The following BAZ2A variants were observed in gnomAD, a reference collection of about 807,000 sequenced individuals.
The protein encoded by BAZ2A is bromodomain adjacent to zinc finger domain 2A, also known as bromodomain adjacent to zinc finger domain protein 2A.
BAZ2A carries 34 observed loss-of-function variants against 199.9 expected under a neutral mutation model. That is an observed-to-expected ratio of 0.17 (90% CI 0.13 to 0.23). The LOEUF is 0.23. Among genes scored for constraint, BAZ2A ranks in the 10% least tolerant of loss-of-function variants. The pLI is 1.00. For synonymous variants in BAZ2A, 857 were observed against 883.9 expected (o/e 0.97, Z 0.54); for missense variants, 2,002 against 2,391.1 (o/e 0.84, Z 3.39).
At chr12:56,634,350 GCACC>G (rs1951393640), upstream of BAZ2A, among the ~76,000 whole-genome samples, 1 of 152,096 alleles carries the variant, frequency 6.6e-6, no homozygotes. Flanking sequence ...TTCCTAGGCT[GCACC>G]GACCAACCCT....
chr12:56,622,400 T>G (rs1950950738), intron 1 of BAZ2A, among the ~76,000 whole-genome samples: 1 of 152,050 alleles, frequency 6.6e-6, no homozygotes, highest in East Asian at 1.9e-4. Context: ...AATTTAAAAC[T>G]AGGGATGATC....
chr12:56,638,219 G>C (rs1059859), upstream of BAZ2A: 3 of 986,058 alleles, frequency 3.0e-6, no homozygotes, highest in Non-Finnish European at 4.6e-6. Flanking sequence ...ATACTGTTCA[G>C]AAAGAATATA....
intron 1 of BAZ2A, among the ~76,000 whole-genome samples, chr12:56,629,775 A>T (rs1333616576): frequency 8.9e-6 from 1 of 111,906 alleles, no homozygotes; most frequent in African/African-American, 3.5e-5. Context: ...CCCCCACCCG[A>T]GGAGGTGGAG....
At chr12:56,631,903 C>T (rs1951322300), upstream of BAZ2A, among the ~76,000 whole-genome samples, 1 of 152,110 alleles carries the variant, frequency 6.6e-6, no homozygotes, top group South Asian at 2.1e-4. Flanking sequence ...CTCCACCCCT[C>T]CACCCCCCCA....
rs1173368640 is a variant in BAZ2A at position 56,601,012 on chromosome 12, T to C, written c.4381A>G (p.Lys1461Glu). The C allele has an allele frequency of 1.9e-6, 3 of 1,611,026 alleles. No homozygotes were observed. The highest frequency in any genetic ancestry group is 2.5e-6 in the Non-Finnish European group (3 of 1,178,700). The stretch of plus-strand genomic sequence containing the variant: ...TTGTTAAGGTGTTTGTGAAGTGCCT[T>C]CTCCCGGATACCTCGGGGGTGTAGG... ...KALHPRGIREKALHKHLNKHR... is the reference protein window; with the variant it reads ...KALHPRGIREEALHKHLNKHR... The change falls in exon 22 of 29, where the codon AAG (lysine) becomes GAG (glutamate). Residue 1461 changes from lysine to glutamate, a missense_variant. Physicochemically the swap from Lys to Glu is moderately conservative, Grantham distance 56 (BLOSUM62 1). Transcript: ENST00000549884.
intron 26 of BAZ2A, 140 bp from the exon 27 acceptor site, chr12:56,599,498 GA>G: frequency 8.1e-7 from 1 of 1,227,430 alleles, no homozygotes; most frequent in Non-Finnish European, 1.1e-6. Flanking sequence ...ATAACCCAAT[GA>G]AGTAGGTAAA....
chr12:56,607,572 C>T (rs1338832310), intron 10 of BAZ2A, among the ~76,000 whole-genome samples: 2 of 152,096 alleles, frequency 1.3e-5, no homozygotes, highest in East Asian at 1.9e-4. Context: ...GGAGTTTCAC[C>T]GTTTTAGCCA....
At position 56,613,044 on chromosome 12, in the gene BAZ2A, G is replaced by A. The variant is rs746516842; in HGVS notation, c.1106C>T (p.Pro369Leu). The A allele has an allele frequency of 1.4e-5, 23 of 1,613,640 alleles. No individual in the cohort carries two copies. Among genetic ancestry groups the A allele is most frequent in the African/African-American group, 4.0e-5 (3 of 74,930 alleles). The part of the protein sequence containing the change: ...STSIFASPTS[P>L]PVLGESVLQD... ...CAGGACAGACTCCCCTAGGACAGGT[G>A]GAGAGGTGGGACTGGCAAAGATAGA... is the stretch of plus-strand genomic sequence containing the variant. Residue 369 changes from proline (P) to leucine (L), a missense_variant, in exon 5 of 29, where the codon CCA becomes CTA. Coordinates refer to ENST00000549884, the MANE Select transcript of BAZ2A (RefSeq NM_001300905.2).
chr12:56,607,383 A>T (rs548290535), intron 10 of BAZ2A, among the ~76,000 whole-genome samples: 7 of 152,194 alleles, frequency 4.6e-5, no homozygotes, highest in Non-Finnish European at 1.0e-4. Context: ...ACATATATAT[A>T]TTTTTTGACA....
At chr12:56,636,285 A>T (rs1951448123) in exon 1 of BAZ2A, 2 of 1,535,852 alleles carry the variant, frequency 1.3e-6, no homozygotes, top group Non-Finnish European at 1.8e-6. Flanking sequence ...CCAAACTGTG[A>T]GCTGGGAACT....
intron 18 of BAZ2A, 143 bp downstream of exon 18, chr12:56,603,216 C>T: frequency 1.1e-6 from 1 of 943,208 alleles, no homozygotes; most frequent in Non-Finnish European, 1.6e-6. Context: ...TGCAGTGAGC[C>T]ATGATCGTGC....
Position 56,603,505 on chromosome 12 carries a change from A to G in BAZ2A, c.3219+15T>C, listed in dbSNP as rs775933117. The G allele has an allele frequency of 6.2e-7, 1 of 1,613,886 alleles. No individual in the cohort carries two copies. Among genetic ancestry groups the G allele is most frequent in the Non-Finnish European group, 8.5e-7 (1 of 1,179,842 alleles). On this transcript the variant is annotated intron_variant, in intron 17 of 28. Transcript: ENST00000549884. Reference sequence around the variant, plus strand: ...TATTTTCTAACTCCCACTTTCCTTGATCTTGGGCCAGTACCTCTCCATCTC... The same window carrying G: ...TATTTTCTAACTCCCACTTTCCTTGGTCTTGGGCCAGTACCTCTCCATCTC...
At chr12:56,619,508 C>CAAAAAAAAA (rs397850754) in intron 1 of BAZ2A, among the ~76,000 whole-genome samples, 3 of 84,774 alleles carry the variant, frequency 3.5e-5, no homozygotes, top group African/African-American at 9.2e-5. Context: ...GACCCTGTCT[C>CAAAAAAAAA]AAAAAAAAAA....
chr12:56,635,133 T>C, upstream of BAZ2A: 1 of 742,032 alleles, frequency 1.3e-6, no homozygotes. This position sits in a 1 kb window ranked among gnomAD's most constrained non-coding sequence, Gnocchi z 4.1. Context: ...AAGGATCCAC[T>C]GGGGGAGAGG....
At chr12:56,619,278 GA>G (rs1291728434) in intron 1 of BAZ2A, among the ~76,000 whole-genome samples, 1 of 151,762 alleles carries the variant, frequency 6.6e-6, no homozygotes, top group African/African-American at 2.4e-5. Flanking sequence ...CTGGGAGACG[GA>G]GGTTGCAGTG....
rs202169462 is a variant in BAZ2A, at chr12:56,602,123, G to A, written c.3494C>T (p.Ala1165Val). 777 of 1,593,158 alleles carry A rather than the reference G, an allele frequency of 4.9e-4. 1 individual carries two copies. The highest frequency in any genetic ancestry group is 8.7e-4 in the Admixed American group (49 of 56,574). The change falls in exon 20 of 29, where the codon GCC (alanine) becomes GTC (valine). Residue 1165 changes from alanine to valine, a missense_variant. Physicochemically the swap from Ala to Val is moderately conservative, Grantham distance 64. Transcript: ENST00000549884. ...KVAAHASLNP[A>V]LFSMKMELAG... ...TAACTCCATCTTCATAGAGAAGAGG[G>A]CAGGGTTGAGTGACGCATGGGCTGC...
chr12:56,622,705 AC>A (rs1950958145), intron 1 of BAZ2A, among the ~76,000 whole-genome samples: 1 of 152,096 alleles, frequency 6.6e-6, no homozygotes, highest in African/African-American at 2.4e-5. Flanking sequence ...CCAGTGCCCA[AC>A]CCCTAGAGTA....
chr12:56,621,161 G>A (rs1950909983), intron 1 of BAZ2A: 2 of 985,370 alleles, frequency 2.0e-6, no homozygotes, highest in Non-Finnish European at 2.4e-6. Flanking sequence ...CCTATGTGCA[G>A]TGGACTATAT....
rs888853088 is a variant in BAZ2A at position 56,630,314 on chromosome 12, G to A, written c.-192C>T. ...GGCCCGAGAGGAGCCAACATGGCCG[G>A]CGGGGGAGGAGTGAGTCGGAGCCGG... On this transcript the variant is annotated 5_prime_UTR_variant, in exon 1 of 29. Coordinates refer to ENST00000549884, the MANE Select transcript of BAZ2A (RefSeq NM_001300905.2). The A allele has an allele frequency of 1.6e-5, 16 of 983,366 alleles. No homozygotes were observed. The highest frequency in any genetic ancestry group is 1.9e-5 in the Non-Finnish European group (16 of 827,998). The allele number at this position is 983,366 out of a possible 1,614,324, so 60.9% of individuals were successfully genotyped here. A position where few individuals can be genotyped will look rare whatever the true frequency, so the allele number is the denominator to read the frequency against.
Sources: gnomAD v4.1 joint callset for allele counts (sites outside exome capture counted in the v4.1 genomes callset) on GRCh38, gnomAD v4.1.1 for gene constraint, Gnocchi (gnomAD v3.1) non-coding constraint, MANE v1.5 for transcripts, NCBI Gene and HGNC (gene_info 2026-07-23, HGNC 2026-07-21) for gene names.